Variants in METTL4 observed in about 807,000 individuals in gnomAD.
METTL4 encodes methyltransferase 4, N6-adenosine.
A neutral mutation model predicts 54.0 loss-of-function variants in METTL4; 40 were observed. The observed-to-expected ratio is 0.74, with a 90% CI of 0.58 to 0.96. METTL4 has a LOEUF of 0.96. Ranked by LOEUF, METTL4 falls within the 50% of genes least tolerant of loss-of-function variation. The pLI, the probability that METTL4 is intolerant of heterozygous loss-of-function variation, is 0.00. For missense variants in METTL4, 525 were observed against 549.0 expected, an observed-to-expected ratio of 0.96 and a Z score of 0.44; for synonymous variants, 169 against 183.8, an observed-to-expected ratio of 0.92 and a Z score of 0.65.
In METTL4 at chr18:2,566,866, C is replaced by T. The variant is rs1205716596; in HGVS notation, c.351G>A (p.Leu117=). The stretch of plus-strand genomic sequence containing the variant: ...AGATTTCTTTTTTAACACCATTCAT[C>T]AGATCTTCCTTTTCATTACTTTGCT... ...ECQQSNEKED[L]MNGVKKEISI... Residue 117 remains leucine (L), a synonymous_variant, in exon 2 of 9, where the codon CTG becomes CTA. Transcript: ENST00000574538. 1 of 1,606,058 alleles carries T rather than the reference C, an allele frequency of 6.2e-7. No individual in the cohort carries two copies. Among genetic ancestry groups the T allele is most frequent in the Non-Finnish European group, 8.5e-7 (1 of 1,175,616 alleles).
At chr18:2,558,536 C>T (rs536185579) in intron 3 of METTL4, among the ~76,000 whole-genome samples, 6 of 150,578 alleles carry the variant, frequency 4.0e-5, no homozygotes, top group East Asian at 2.0e-4. Flanking sequence ...GTAAGTTAAC[C>T]GACATAACAT....
intron 5 of METTL4, among the ~76,000 whole-genome samples, chr18:2,550,588 C>T (rs2072138891): frequency 6.6e-6 from 1 of 152,216 alleles, no homozygotes; most frequent in African/African-American, 2.4e-5. Context: ...AGACACCTCA[C>T]TTCTAAAACC....
chr18:2,545,473 C>G (rs1399093615), intron 6 of METTL4, among the ~76,000 whole-genome samples: 2 of 152,190 alleles, frequency 1.3e-5, no homozygotes, highest in East Asian at 3.9e-4. Context: ...ATAGACAATA[C>G]CTAGTCCAGA....
intron 6 of METTL4, among the ~76,000 whole-genome samples, 160 bp downstream of exon 6, chr18:2,547,195 G>T (rs1234725237): frequency 2.0e-5 from 3 of 152,118 alleles, no homozygotes; most frequent in South Asian, 4.1e-4. Context: ...ATATAGCCTT[G>T]AGAATAAAAA....
rs369152818 is a variant in METTL4 at position 2,552,776 on chromosome 18, G to T, written c.830-12C>A. The T allele has an allele frequency of 2.2e-4, 344 of 1,582,366 alleles. No individual in the cohort carries two copies. Among genetic ancestry groups the T allele is most frequent in the Non-Finnish European group, 2.9e-4 (337 of 1,154,972 alleles). Reference sequence around the variant, plus strand: ...AAATGTTTTCCTATCTGAAAACAAAGATACAATTTCAGAAAATACCTTCTC... The same window carrying T: ...AAATGTTTTCCTATCTGAAAACAAATATACAATTTCAGAAAATACCTTCTC... On this transcript the variant is annotated splice_polypyrimidine_tract_variant and intron_variant, in intron 4 of 8. Coordinates refer to ENST00000574538, the MANE Select transcript of METTL4 (RefSeq NM_022840.5).
At chr18:2,566,545 G>GTT (rs199807273) in intron 2 of METTL4, 1 of 186,402 alleles carries the variant, frequency 5.4e-6, no homozygotes, top group African/African-American at 2.3e-5. Context: ...CTTTTTGTTT[G>GTT]TTTTTTTGCT....
Position 2,571,247 on chromosome 18 carries a change from CCA to C in METTL4, c.-539_-538del, listed in dbSNP as rs1353361121. ...GATCATGAAAAATGCCCCTTCCAGTCCACAGAGAAAAAGCTTTCTCCTTTTCT... is the reference window on the plus strand; with the variant it reads ...GATCATGAAAAATGCCCCTTCCAGTCCAGAGAAAAAGCTTTCTCCTTTTCT... On this transcript the variant is annotated 5_prime_UTR_variant, in exon 1 of 9. Coordinates refer to ENST00000574538, the MANE Select transcript of METTL4 (RefSeq NM_022840.5). 6.6e-6 allele frequency: 1 copy of C among 152,228 alleles called. No individual in the cohort carries two copies. The highest frequency in any genetic ancestry group is 2.4e-5 in the African/African-American group (1 of 41,444). 9.4% of individuals were successfully genotyped at this position (152,228 alleles called of 1,614,324 possible).
In METTL4 at chr18:2,563,801, G is replaced by A. The variant is rs375410633; in HGVS notation, c.455C>T (p.Thr152Ile). 6.2e-7 allele frequency: 1 copy of A among 1,602,348 alleles called. No individual in the cohort carries two copies. The highest frequency in any genetic ancestry group is 8.5e-7 in the Non-Finnish European group (1 of 1,173,058). ...QGELDAMEYH[T>I]KIRELILDGS... is the part of the protein sequence containing the mutation. ...CAATGAACATTTTACACTTACCTTT[G>A]TATGGTATTCCATAGCATCCAATTC... is the stretch of plus-strand genomic sequence containing the variant. The change falls in exon 3 of 9, where the codon ACA (threonine) becomes ATA (isoleucine). Residue 152 changes from threonine (T) to isoleucine (I), a missense_variant. Thr to Ile is a moderately conservative substitution (Grantham distance 89). Transcript: ENST00000574538.
At chr18:2,558,636 A>C (rs920631311) in intron 3 of METTL4, among the ~76,000 whole-genome samples, 9 of 120,678 alleles carry the variant, frequency 7.5e-5, no homozygotes, top group African/African-American at 1.5e-4. Flanking sequence ...ATAAAAAAAA[A>C]CACAGAAGTC....
chr18:2,544,367 T>C, intron 7 of METTL4, 81 bp from the exon 8 acceptor site: 1 of 1,016,058 alleles, frequency 9.8e-7, no homozygotes, highest in African/African-American at 1.6e-5. Flanking sequence ...TTGATTTTTG[T>C]TCTCTTTCTG....
chr18:2,555,146 T>TA (rs1408732521), intron 3 of METTL4, 108 bp from the exon 4 acceptor site: 17 of 1,104,712 alleles, frequency 1.5e-5, no homozygotes, highest in Non-Finnish European at 2.1e-5. Context: ...CCTTAACACT[T>TA]ACAGTAAAAT....
intron 5 of METTL4, among the ~76,000 whole-genome samples, chr18:2,551,143 G>A (rs7234700): frequency 0.069 from 8,159 of 119,014 alleles, 809 homozygotes; most frequent in African/African-American, 0.24. Flanking sequence ...CAGCCTGGGC[G>A]ACAGAACGAG....
In METTL4 at chr18:2,554,747, TTAAAG is replaced by T; in HGVS notation, c.746_750del (p.Thr249AsnfsTer17). 6.2e-7 allele frequency: 1 copy of T among 1,613,374 alleles called. No homozygotes were observed. Among genetic ancestry groups the T allele is most frequent in the South Asian group, 1.1e-5 (1 of 91,036 alleles). On this transcript the variant is annotated frameshift_variant, in exon 4 of 9. Coordinates refer to ENST00000574538, the MANE Select transcript of METTL4 (RefSeq NM_022840.5). LOFTEE classifies it high-confidence loss of function. ...GGTGGTAGCAGGTATTTCTGTCCCATTAAAGTAATCACTTTTGTAAAGCTAGAGTT... is the reference window on the plus strand; with the variant it reads ...GGTGGTAGCAGGTATTTCTGTCCCATTAATCACTTTTGTAAAGCTAGAGTT...
intron 5 of METTL4, among the ~76,000 whole-genome samples, chr18:2,547,739 G>A (rs1055548582): frequency 2.4e-5 from 3 of 127,442 alleles, no homozygotes; most frequent in South Asian, 2.5e-4. Context: ...GTTTAAAATC[G>A]TCAGGCTGTA....
Position 2,540,562 on chromosome 18 carries a change from T to C in METTL4, c.1274-1417A>G, listed in dbSNP as rs972379609. On this transcript the variant is annotated intron_variant, in intron 8 of 8. Transcript: ENST00000574538. Reference sequence around the variant, plus strand: ...AAAGAAGAATTAAAAGGTTTCACTGTCTATAATTCAAGTGAACTCAAATTT... The same window carrying C: ...AAAGAAGAATTAAAAGGTTTCACTGCCTATAATTCAAGTGAACTCAAATTT... 6 of 985,296 alleles carry C rather than the reference T, an allele frequency of 6.1e-6. No individual in the cohort carries two copies. In the African/African-American group the frequency reaches 8.7e-5, roughly 14 times the overall value. 61.0% of individuals were successfully genotyped at this position (985,296 alleles called of 1,614,324 possible).
chr18:2,544,357 T>C (rs2176451), intron 7 of METTL4, 71 bp from the exon 8 acceptor site: 247,480 of 1,082,618 alleles, frequency 0.23, 30,446 homozygotes, highest in African/African-American at 0.36. Context: ...CACAGCTGCA[T>C]TGATTTTTGT....
At chr18:2,557,676 A>C (rs1057160688) in intron 3 of METTL4, among the ~76,000 whole-genome samples, 50 of 152,302 alleles carry the variant, frequency 3.3e-4, no homozygotes, top group African/African-American at 1.2e-3. Flanking sequence ...CATGCATAGG[A>C]AACCCACTGC....
intron 2 of METTL4, among the ~76,000 whole-genome samples, chr18:2,564,199 C>A (rs547642507): frequency 2.6e-5 from 4 of 151,002 alleles, no homozygotes; most frequent in African/African-American, 7.3e-5. Flanking sequence ...GTCAGAAGAT[C>A]GAGACCATCC....
chr18:2,566,061 ATAAATAAAT>A (rs2072411327), intron 2 of METTL4, among the ~76,000 whole-genome samples: 1 of 145,090 alleles, frequency 6.9e-6, no homozygotes, highest in African/African-American at 2.6e-5. Context: ...AAATAAATAA[ATAAATAAAT>A]AAATAAATAA....
Sources: gnomAD v4.1 joint callset for allele counts (sites outside exome capture counted in the v4.1 genomes callset) on GRCh38, gnomAD v4.1.1 for gene constraint, MANE v1.5 for transcripts, NCBI Gene and HGNC (gene_info 2026-07-23, HGNC 2026-07-21) for gene names.